The following DDX46 variants were observed in gnomAD, a reference collection of about 807,000 sequenced individuals.
DDX46 encodes the protein probable ATP-dependent RNA helicase DDX46.
DDX46 carries 30 observed loss-of-function variants against 134.9 expected under a neutral mutation model. That is an observed-to-expected ratio of 0.22 (90% CI 0.17 to 0.30). The LOEUF is 0.30. Among genes scored for constraint, DDX46 ranks in the 10% least tolerant of loss-of-function variants. DDX46 has a pLI of 1.00. For synonymous variants in DDX46, 415 were observed against 404.1 expected, an observed-to-expected ratio of 1.03 and a Z score of -0.32; for missense variants, 622 against 1,248.7, an observed-to-expected ratio of 0.50 and a Z score of 7.56.
intron 1 of DDX46, among the ~76,000 whole-genome samples, chr5:134,760,309 G>A (rs1323804741): frequency 2.6e-5 from 4 of 152,116 alleles, no homozygotes; most frequent in Non-Finnish European, 5.9e-5. Context: ...GTTTGTTCAG[G>A]GAATCATGAA....
At position 134,794,970 on chromosome 5, in the gene DDX46, G is replaced by A; in HGVS notation, c.1747G>A (p.Val583Ile). 1 of 1,614,190 alleles carries A rather than the reference G, an allele frequency of 6.2e-7. No homozygotes were observed. Among genetic ancestry groups the A allele is most frequent in the Non-Finnish European group, 8.5e-7 (1 of 1,180,028 alleles). ...RILSKPIEVQ[V>I]GGRSVVCSDV... ...CCTCAGTAAACCTATTGAAGTACAA[G>A]TTGGAGGCAGGAGTGTGGTTTGCTC... The change falls in exon 14 of 23, where the codon GTT (valine) becomes ATT (isoleucine). Residue 583 changes from valine (V) to isoleucine (I), a missense_variant. Physicochemically the swap from Val to Ile is conservative, Grantham distance 29 (BLOSUM62 3). Coordinates refer to ENST00000452510, the MANE Select transcript of DDX46 (RefSeq NM_001300860.2).
intron 15 of DDX46, among the ~76,000 whole-genome samples, chr5:134,802,421 C>T (rs935371765): frequency 6.6e-6 from 1 of 151,714 alleles, no homozygotes; most frequent in Non-Finnish European, 1.5e-5. Context: ...CTCGGCCTCC[C>T]AAAGTGCTGA....
intron 3 of DDX46, among the ~76,000 whole-genome samples, chr5:134,770,199 A>ATTTT (rs368105956): frequency 7.7e-6 from 1 of 129,802 alleles, no homozygotes; most frequent in Admixed American, 7.9e-5. Flanking sequence ...GCCTGACCAA[A>ATTTT]TTTTTTTTTT....
chr5:134,771,110 GTCTGTCTTTCTT>G (rs956169996), intron 4 of DDX46, 111 bp downstream of exon 4: 357 of 552,528 alleles, frequency 6.5e-4, no homozygotes, highest in South Asian at 4.4e-3. Context: ...TTTCTTTTCT[GTCTGTCTTTCTT>G]TCTGTCTTTC....
chr5:134,780,673 T>C (rs1754124595), intron 6 of DDX46: 1 of 151,504 alleles, frequency 6.6e-6, no homozygotes, highest in South Asian at 2.1e-4. Context: ...AATATAATTA[T>C]ATTATGCTTA....
At position 134,781,986 on chromosome 5, in the gene DDX46, A is replaced by G; in HGVS notation, c.945A>G (p.Arg315=). The change falls in exon 8 of 23, where the codon CGA becomes CGG. Residue 315 remains arginine, a synonymous_variant. Coordinates refer to ENST00000452510, the MANE Select transcript of DDX46 (RefSeq NM_001300860.2). ...TTACAGGGTATCAAACAAAACAGCGAAAGCTTCTAGAACCAGTTGATCATG... is the reference window on the plus strand; with the variant it reads ...TTACAGGGTATCAAACAAAACAGCGGAAGCTTCTAGAACCAGTTGATCATG... The part of the protein sequence containing the change: ...TALTGYQTKQ[R]KLLEPVDHGK... 6.2e-7 allele frequency: 1 copy of G among 1,611,388 alleles called. No homozygotes were observed. Among genetic ancestry groups the G allele is most frequent in the Non-Finnish European group, 8.5e-7 (1 of 1,179,468 alleles).
In DDX46 at chr5:134,811,296, G is replaced by T. The variant is rs1316396442; in HGVS notation, c.2224G>T (p.Gly742Trp). Reference sequence around the variant, plus strand: ...CATAATTAAAGCTCTTGAATTGTCAGGGACTGCAGTACCTCCTGATTTAGA... The same window carrying T: ...CATAATTAAAGCTCTTGAATTGTCATGGACTGCAGTACCTCCTGATTTAGA... ...GDIIKALELS[G>W]TAVPPDLEKL... Residue 742 changes from glycine (G) to tryptophan (W), a missense_variant, in exon 17 of 23, where the codon GGG (glycine) becomes TGG (tryptophan). This residue lies in a region of DDX46 where 209 missense variants were observed against 508.4 expected (regional missense o/e 0.41). Transcript: ENST00000452510. 1 of 1,614,058 alleles carries T rather than the reference G, an allele frequency of 6.2e-7. No individual in the cohort carries two copies.
At chr5:134,762,442 A>T (rs1322700470) in intron 1 of DDX46, among the ~76,000 whole-genome samples, 5 of 151,866 alleles carry the variant, frequency 3.3e-5, no homozygotes, top group African/African-American at 1.2e-4. Context: ...AAAAAATGAT[A>T]AAAAGGCTGC....
intron 3 of DDX46, among the ~76,000 whole-genome samples, chr5:134,770,495 T>G (rs1753727955): frequency 6.6e-6 from 1 of 152,116 alleles, no homozygotes; most frequent in South Asian, 2.1e-4. Flanking sequence ...TATATAAGTG[T>G]GAGGCACCTT....
At position 134,798,173 on chromosome 5, in the gene DDX46, G is replaced by GT. The variant is rs1200526938; in HGVS notation, c.1954+2036dup. Among the ~76,000 whole-genome samples the GT allele has an allele frequency of 4.3e-3, 607 of 139,988 alleles. 1 individual carries two copies. Among genetic ancestry groups the GT allele is most frequent in the Admixed American group, 7.7e-3 (105 of 13,668 alleles). The allele number at this position is 139,988 out of a possible 152,430, so 91.8% of individuals were successfully genotyped here. On this transcript the variant is annotated intron_variant, in intron 15 of 22. Transcript: ENST00000452510. ...ATATAAAATATCCCCGCCCCCCACC[G>GT]TTTTTTTTTTTTTGTTGTTGTTTGT...
intron 3 of DDX46, among the ~76,000 whole-genome samples, chr5:134,769,519 A>G (rs1225471817): frequency 4.3e-5 from 6 of 138,332 alleles, no homozygotes; most frequent in African/African-American, 2.7e-5. Flanking sequence ...TTTAGTAGAG[A>G]CGGGGTTTGT....
intron 12 of DDX46, among the ~76,000 whole-genome samples, chr5:134,789,441 GAGTT>G (rs1482267655): frequency 6.6e-6 from 1 of 152,160 alleles, no homozygotes; most frequent in Non-Finnish European, 1.5e-5. Context: ...ATTAAAAACT[GAGTT>G]AGTGCATGTT....
chr5:134,760,233 A>G (rs1753335145), intron 1 of DDX46, among the ~76,000 whole-genome samples: 1 of 152,176 alleles, frequency 6.6e-6, no homozygotes, highest in African/African-American at 2.4e-5. Context: ...GCCCTTCACA[A>G]GAAGGTCCAT....
chr5:134,794,201 A>G (rs1395652749), intron 13 of DDX46, among the ~76,000 whole-genome samples: 1 of 152,150 alleles, frequency 6.6e-6, no homozygotes, highest in Non-Finnish European at 1.5e-5. Flanking sequence ...GGCTCTTGCA[A>G]GCTCTGTACA....
chr5:134,781,580 C>A (rs1253187526), intron 7 of DDX46, among the ~76,000 whole-genome samples: 1 of 152,034 alleles, frequency 6.6e-6, no homozygotes, highest in African/African-American at 2.4e-5. Context: ...AGTAGCAAAG[C>A]CTTATTAGAG....
rs530290280 is a variant in DDX46, at chr5:134,790,642, C to T, written c.1626+90C>T. 71 of 1,083,602 alleles carry T rather than the reference C, an allele frequency of 6.6e-5. No individual in the cohort carries two copies. In the South Asian group the frequency reaches 9.1e-4, roughly 14 times the overall value. The allele number at this position is 1,083,602 out of a possible 1,614,324, so 67.1% of individuals were successfully genotyped here. On this transcript the variant is annotated intron_variant, in intron 13 of 22. Coordinates refer to ENST00000452510, the MANE Select transcript of DDX46 (RefSeq NM_001300860.2). ...AAATGTTCATGTGGTTTCTGAAATT[C>T]ACACACACACTTTTCTGTTGCACGG...
intron 12 of DDX46, among the ~76,000 whole-genome samples, chr5:134,789,587 CTT>C (rs550884743): frequency 4.8e-5 from 7 of 146,740 alleles, no homozygotes; most frequent in African/African-American, 1.7e-4. Flanking sequence ...TAAATAATCC[CTT>C]TTTTTTTTTC....
At chr5:134,820,048 A>G (rs111868097) in intron 21 of DDX46, among the ~76,000 whole-genome samples, 13,409 of 151,558 alleles carry the variant, frequency 0.088, 830 homozygotes, top group East Asian at 0.22. Context: ...CAGCCTCCCA[A>G]GTAGCTGGGA....
chr5:134,775,531 C>T lies in DDX46; in HGVS notation c.613+1670C>T, dbSNP rs141471308. ...GGTTCAAGAAATTCTCTGCCTCAGCCTCCTGAGTAGCTGGGATTACAGGTG... is the reference window on the plus strand; with the variant it reads ...GGTTCAAGAAATTCTCTGCCTCAGCTTCCTGAGTAGCTGGGATTACAGGTG... On this transcript the variant is annotated intron_variant, in intron 5 of 22. Coordinates refer to ENST00000452510, the MANE Select transcript of DDX46 (RefSeq NM_001300860.2). Among the ~76,000 whole-genome samples, 836 of 152,180 alleles carry T rather than the reference C, an allele frequency of 5.5e-3. 4 individuals carry two copies. Among genetic ancestry groups the T allele is most frequent in the Middle Eastern group, 0.041 (12 of 294 alleles).
Sources: gnomAD v4.1 joint callset for allele counts (sites outside exome capture counted in the v4.1 genomes callset) on GRCh38, gnomAD v4.1.1 for gene constraint, gnomAD v4.1.1 regional missense constraint, MANE v1.5 for transcripts, NCBI Gene and HGNC (gene_info 2026-07-23, HGNC 2026-07-21) for gene names.